BBIP1: variants seen among roughly 807,000 people sequenced by gnomAD.
BBIP1 encodes the protein BBSome interacting protein 1.
A neutral mutation model predicts 8.9 loss-of-function variants in BBIP1; 6 were observed. The observed-to-expected ratio is 0.67, with a 90% CI of 0.37 to 1.33. BBIP1 has a LOEUF of 1.33. Ranked by LOEUF, BBIP1 falls within the 40% of genes most tolerant of loss-of-function variation. The pLI is 0.02. For synonymous variants in BBIP1, 32 were observed against 33.4 expected (o/e 0.96, Z 0.14); for missense variants, 111 against 109.2 (o/e 1.02, Z -0.07).
intron 3 of BBIP1, 164 bp from the exon 4 acceptor site, chr10:110,900,690 C>G (rs1845973922): frequency 1.6e-6 from 1 of 611,176 alleles, no homozygotes; most frequent in Non-Finnish European, 2.7e-6. Context: ...CATTGTCATT[C>G]TATAAGCGCA....
chr10:110,903,280 T>C (rs1846050040), intron 2 of BBIP1: 1 of 152,264 alleles, frequency 6.6e-6, no homozygotes, highest in African/African-American at 2.4e-5. Context: ...GATAACTCTT[T>C]CACATCCAAA....
chr10:110,901,646 A>G lies in BBIP1; in HGVS notation c.38-34T>C, dbSNP rs1464484939. Reference sequence around the variant, plus strand: ...AGAAATCAGTATTATTCAAGAATACATTCCCAAAGCAGACTGCCTGAGACA... The same window carrying G: ...AGAAATCAGTATTATTCAAGAATACGTTCCCAAAGCAGACTGCCTGAGACA... On this transcript the variant is annotated intron_variant, in intron 2 of 3. Transcript: ENST00000448814. The G allele has an allele frequency of 3.4e-6, 5 of 1,452,574 alleles. No homozygotes were observed. The South Asian group carries it at 4.9e-5, about 14-fold the overall frequency. The allele number at this position is 1,452,574 out of a possible 1,614,324, so 90.0% of individuals were successfully genotyped here. A position where few individuals can be genotyped will look rare whatever the true frequency, so the allele number is the denominator to read the frequency against.
chr10:110,918,680 C>T (rs1199318205), intron 1 of BBIP1, among the ~76,000 whole-genome samples: 71 of 152,370 alleles, frequency 4.7e-4, no homozygotes, highest in South Asian at 2.1e-4. Flanking sequence ...AGAGCGGCCT[C>T]ACCCCACAGG....
chr10:110,900,670 C>T (rs1345124710), intron 3 of BBIP1, 144 bp from the exon 4 acceptor site: 9 of 656,768 alleles, frequency 1.4e-5, no homozygotes, highest in African/African-American at 5.6e-5. Context: ...TGCTCTGGAA[C>T]CAGAAAGATC....
Position 110,900,350 on chromosome 10 carries a change from C to T in BBIP1, c.*10G>A, listed in dbSNP as rs1024829955. On this transcript the variant is annotated 3_prime_UTR_variant, in exon 4 of 4. Transcript: ENST00000448814. ...AAGGCAGGTTGTTCCCTAAAGTGCT[C>T]AGTTATCATTCAGTGGGTTATTTGC... is the stretch of plus-strand genomic sequence containing the variant. 6.5e-7 allele frequency: 1 copy of T among 1,532,024 alleles called. No homozygotes were observed. Among genetic ancestry groups the T allele is most frequent in the East Asian group, 2.5e-5 (1 of 40,778 alleles). 94.9% of individuals were successfully genotyped at this position (1,532,024 alleles called of 1,614,324 possible). A position where few individuals can be genotyped will look rare whatever the true frequency, so the allele number is the denominator to read the frequency against.
intron 2 of BBIP1, chr10:110,902,020 A>G (rs1846017594): frequency 6.1e-6 from 1 of 163,918 alleles, no homozygotes; most frequent in Non-Finnish European, 1.3e-5. Flanking sequence ...GTGGTGAGGC[A>G]GGTAGTTAGG....
chr10:110,917,936 AACAGAATCAGAT>A (rs1163974165), intron 2 of BBIP1, 173 bp downstream of exon 2: 1 of 605,766 alleles, frequency 1.7e-6, no homozygotes, highest in African/African-American at 1.9e-5. Flanking sequence ...CTCCACGGGT[AACAGAATCAGAT>A]ACAGAATCAC....
chr10:110,918,552 G>A (rs942627787), intron 1 of BBIP1, among the ~76,000 whole-genome samples: 2 of 152,244 alleles, frequency 1.3e-5, no homozygotes, highest in Non-Finnish European at 2.9e-5. Flanking sequence ...GGAACTTGCG[G>A]AGGCGTGGTC....
intron 1 of BBIP1, among the ~76,000 whole-genome samples, chr10:110,918,649 G>A (rs1347778983): frequency 6.6e-6 from 1 of 152,220 alleles, no homozygotes; most frequent in African/African-American, 2.4e-5. Flanking sequence ...GGCTGCCTCT[G>A]GCTGGGTTAG....
intron 3 of BBIP1, chr10:110,901,042 T>G (rs1845985570): frequency 2.5e-6 from 1 of 405,072 alleles, no homozygotes; most frequent in African/African-American, 2.1e-5. Context: ...TCCCAGCACT[T>G]TGGGATGCCA....
Position 110,907,914 on chromosome 10 carries a change from C to T in BBIP1, c.38-6302G>A, listed in dbSNP as rs960341119. 1.0e-5 allele frequency: 6 copies of T among 597,926 alleles called. No individual in the cohort carries two copies. In the African/African-American group the frequency reaches 1.1e-4, roughly 11 times the overall value. 37.0% of individuals were successfully genotyped at this position (597,926 alleles called of 1,614,324 possible). On this transcript the variant is annotated intron_variant, in intron 2 of 3. Coordinates refer to ENST00000448814, the MANE Select transcript of BBIP1 (RefSeq NM_001195305.3). ...CTTTAATATGCTAAAGTATGTGATA[C>T]ATTTCAAACAGGGGAGTTGAGTATA...
intron 2 of BBIP1, chr10:110,903,300 G>C (rs1310433219): frequency 2.0e-5 from 3 of 152,204 alleles, no homozygotes; most frequent in Non-Finnish European, 4.4e-5. Flanking sequence ...AATCTGGCCT[G>C]ACAAAAACAA....
rs1564696203 is a variant in BBIP1, at chr10:110,918,183, T to C, written c.-26A>G. The C allele has an allele frequency of 1.3e-6, 2 of 1,532,788 alleles. No homozygotes were observed. The highest frequency in any genetic ancestry group is 4.9e-5 in the East Asian group (2 of 40,888). The allele number at this position is 1,532,788 out of a possible 1,614,324, so 94.9% of individuals were successfully genotyped here. On this transcript the variant is annotated 5_prime_UTR_variant, in exon 2 of 4. Transcript: ENST00000448814. ...CCAACCCGGTATTACCAAGATGACT[T>C]AGAGTTCTTGACTCAAGCATACAGA... is the stretch of plus-strand genomic sequence containing the variant.
rs553123766 is a variant in BBIP1, at chr10:110,900,682, T to C, written c.113-156A>G. The C allele has an allele frequency of 2.6e-5, 16 of 624,502 alleles. 1 individual carries two copies. Among genetic ancestry groups the C allele is most frequent in the African/African-American group, 1.9e-4 (10 of 53,224 alleles). 38.7% of individuals were successfully genotyped at this position (624,502 alleles called of 1,614,324 possible). A position where few individuals can be genotyped will look rare whatever the true frequency, so the allele number is the denominator to read the frequency against. On this transcript the variant is annotated intron_variant, in intron 3 of 3. Transcript: ENST00000448814. The stretch of plus-strand genomic sequence containing the variant: ...TTTTGCTCTGGAACCAGAAAGATCA[T>C]TGTCATTCTATAAGCGCATTTCTTA...
chr10:110,900,482 G>T lies in BBIP1; in HGVS notation c.157C>A (p.Pro53Thr). ...AGAGATTTTAAGGGTAAAAGTTTGG[G>T]TTTACACAGCACCATTGTCATTATA... is the stretch of plus-strand genomic sequence containing the variant. ...EDIMTMVLCK[P>T]KLLPLKSLTL... The change falls in exon 4 of 4, where the codon CCC becomes ACC. Residue 53 changes from proline to threonine, a missense_variant. By Grantham distance (38) the Pro-to-Thr change is conservative. Transcript: ENST00000448814. The T allele has an allele frequency of 6.5e-7, 1 of 1,535,672 alleles. No homozygotes were observed. Among genetic ancestry groups the T allele is most frequent in the Non-Finnish European group, 8.7e-7 (1 of 1,146,632 alleles).
At chr10:110,917,834 T>C (rs1846458739) in intron 2 of BBIP1, 2 of 425,808 alleles carry the variant, frequency 4.7e-6, no homozygotes, top group South Asian at 2.9e-5. Flanking sequence ...CGCTATTATA[T>C]ATATATAACA....
chr10:110,902,155 G>T, intron 2 of BBIP1: 1 of 154,738 alleles, frequency 6.5e-6, no homozygotes, highest in Admixed American at 6.3e-5. Flanking sequence ...AGCTGCAATT[G>T]GTAACGAAGT....
chr10:110,907,703 G>A lies in BBIP1; in HGVS notation c.38-6091C>T, dbSNP rs759215697. Reference sequence around the variant, plus strand: ...ACCTCGCTTGCTTGTATACCCCTCCGATTGTCTTCAGGCATCTTGAAGGAT... The same window carrying A: ...ACCTCGCTTGCTTGTATACCCCTCCAATTGTCTTCAGGCATCTTGAAGGAT... On this transcript the variant is annotated intron_variant, in intron 2 of 3. Transcript: ENST00000448814. 2 of 697,996 alleles carry A rather than the reference G, an allele frequency of 2.9e-6. No individual in the cohort carries two copies. Among genetic ancestry groups the A allele is most frequent in the African/African-American group, 1.8e-5 (1 of 56,912 alleles). The allele number at this position is 697,996 out of a possible 1,614,324, so 43.2% of individuals were successfully genotyped here.
At chr10:110,917,028 A>G (rs1354959980) in intron 2 of BBIP1, among the ~76,000 whole-genome samples, 5 of 152,174 alleles carry the variant, frequency 3.3e-5, no homozygotes, top group Non-Finnish European at 7.3e-5. Flanking sequence ...AAAAATGTTC[A>G]GCTTAAGCCT....
Sources: gnomAD v4.1 joint callset for allele counts (sites outside exome capture counted in the v4.1 genomes callset) on GRCh38, gnomAD v4.1.1 for gene constraint, MANE v1.5 for transcripts, NCBI Gene and HGNC (gene_info 2026-07-23, HGNC 2026-07-21) for gene names.